CUBN: variants seen among roughly 807,000 people sequenced by gnomAD.
The protein encoded by CUBN is 460 kDa receptor.
In CUBN, 282 loss-of-function variants were observed where a neutral mutation model predicts 405.3. The ratio of observed to expected loss-of-function variants is 0.70; its 90% CI spans 0.63 to 0.77. The LOEUF (loss-of-function observed/expected upper bound fraction) is 0.77, where lower values mean the gene tolerates loss of function less well. Ranked by LOEUF, CUBN falls within the 30% of genes least tolerant of loss-of-function variation. The pLI is 0.00. For missense variants in CUBN, 4,514 were observed against 4,475.2 expected (o/e 1.01, Z -0.25); for synonymous variants, 1,684 against 1,617.0 (o/e 1.04, Z -0.99).
At chr10:16,836,532 C>G (rs553983849) in intron 62 of CUBN, 150 bp from the exon 63 acceptor site, 3 of 787,986 alleles carry the variant, frequency 3.8e-6, no homozygotes, top group Non-Finnish European at 4.3e-6. Context: ...AGAAGACTCA[C>G]GTTGGCCTTG....
chr10:16,951,250 G>A (rs570960813), intron 33 of CUBN, among the ~76,000 whole-genome samples: 65 of 152,146 alleles, frequency 4.3e-4, no homozygotes, highest in Non-Finnish European at 5.9e-5. Flanking sequence ...CCACCTCCCC[G>A]TTTGAATTGG....
In CUBN at chr10:17,045,839, A is replaced by C. The variant is rs1278681712; in HGVS notation, c.3490+95T>G. ...ATTGAAGTTTAAATACAGCTGGGCA[A>C]ACATGGACAAGTGAGGGACAGAGCA... On this transcript the variant is annotated intron_variant, in intron 24 of 66. Coordinates refer to ENST00000377833, the MANE Select transcript of CUBN (RefSeq NM_001081.4). The C allele has an allele frequency of 5.4e-6, 7 of 1,285,052 alleles. No individual in the cohort carries two copies. In the Admixed American group the frequency reaches 1.2e-4, roughly 22 times the overall value. The allele number at this position is 1,285,052 out of a possible 1,614,324, so 79.6% of individuals were successfully genotyped here.
intron 59 of CUBN, among the ~76,000 whole-genome samples, chr10:16,854,569 A>G (rs1469736516): frequency 6.6e-6 from 1 of 152,188 alleles, no homozygotes; most frequent in Non-Finnish European, 1.5e-5. Context: ...TGCAGGTAGG[A>G]GCACTGAAGA....
rs568368710 is a variant in CUBN at position 16,925,097 on chromosome 10, T to C, written c.6646+144A>G. The C allele has an allele frequency of 1.2e-4, 77 of 655,236 alleles. 2 individuals carry two copies. In the South Asian group the frequency reaches 1.3e-3, roughly 11 times the overall value. The allele number at this position is 655,236 out of a possible 1,614,324, so 40.6% of individuals were successfully genotyped here. On this transcript the variant is annotated intron_variant, in intron 43 of 66. Transcript: ENST00000377833. ...CTTGAAAAGTAGTCACGATGAGATA[T>C]TGAATGTATCAAATATAATAAGTAC...
Position 17,102,048 on chromosome 10 carries a change from AC to A in CUBN, c.1530+1076del, listed in dbSNP as rs561610402. On this transcript the variant is annotated intron_variant, in intron 13 of 66. Coordinates refer to ENST00000377833, the MANE Select transcript of CUBN (RefSeq NM_001081.4). ...CATCTTCTAAAATACTGTCTCAGTAACAACATGATTTTACAGATTAACTAGT... is the reference window on the plus strand; with the variant it reads ...CATCTTCTAAAATACTGTCTCAGTAAAACATGATTTTACAGATTAACTAGT... 1.8e-3 allele frequency among the ~76,000 whole-genome samples: 274 copies of A among 152,316 alleles called. 1 individual carries two copies. The highest frequency in any genetic ancestry group is 6.4e-3 in the African/African-American group (266 of 41,572).
chr10:16,958,795 T>C (rs1448231343), intron 31 of CUBN, among the ~76,000 whole-genome samples: 1 of 152,190 alleles, frequency 6.6e-6, no homozygotes, highest in Non-Finnish European at 1.5e-5. Flanking sequence ...TACTTCTCTT[T>C]AAAATGCTCA....
Position 17,122,906 on chromosome 10 carries a change from C to G in CUBN, c.490-8G>C, listed in dbSNP as rs1414913855. 7 of 1,604,024 alleles carry G rather than the reference C, an allele frequency of 4.4e-6. No individual in the cohort carries two copies. In the African/African-American group the frequency reaches 9.4e-5, roughly 21 times the overall value. The stretch of plus-strand genomic sequence containing the variant: ...AGCTGAGCAGAGAGGACCCTGTGAT[C>G]ATATAAGGAACAAAGTCAGGTGCCA... On this transcript the variant is annotated splice_region_variant and splice_polypyrimidine_tract_variant and intron_variant, in intron 5 of 66. Transcript: ENST00000377833.
intron 36 of CUBN, 83 bp from the exon 37 acceptor site, chr10:16,940,320 C>T: frequency 7.7e-7 from 1 of 1,291,844 alleles, no homozygotes; most frequent in Non-Finnish European, 1.1e-6. Flanking sequence ...GCTAGGTTAA[C>T]CCGTTCACTT....
intron 54 of CUBN, among the ~76,000 whole-genome samples, chr10:16,892,024 A>G (rs1841035637): frequency 1.3e-5 from 2 of 152,196 alleles, no homozygotes; most frequent in African/African-American, 4.8e-5. Flanking sequence ...CATTCCAAAC[A>G]CATCTCTTCT....
chr10:17,013,681 T>C (rs938408561), intron 28 of CUBN, among the ~76,000 whole-genome samples: 1 of 152,262 alleles, frequency 6.6e-6, no homozygotes, highest in Non-Finnish European at 1.5e-5. Flanking sequence ...TAGATAAGCA[T>C]ACTTGCTATC....
intron 48 of CUBN, among the ~76,000 whole-genome samples, chr10:16,909,005 C>G (rs1423816744): frequency 6.6e-6 from 1 of 151,340 alleles, no homozygotes; most frequent in African/African-American, 2.4e-5. Flanking sequence ...GCCTCAGCCT[C>G]CCGAGTAGCT....
rs576124941 is a variant in CUBN, at chr10:17,088,088, C to G, written c.1947+76G>C. ...CTACAGCTAATATTTTGGGGTCATC[C>G]ATGGGCATGGCTAGACCATAGTGCC... On this transcript the variant is annotated intron_variant, in intron 15 of 66. Coordinates refer to ENST00000377833, the MANE Select transcript of CUBN (RefSeq NM_001081.4). The G allele has an allele frequency of 5.2e-5, 61 of 1,179,674 alleles. 2 individuals are homozygous for G. In the Middle Eastern group the frequency reaches 6.1e-4, roughly 12 times the overall value. 73.1% of individuals were successfully genotyped at this position (1,179,674 alleles called of 1,614,324 possible).
At position 16,845,789 on chromosome 10, in the gene CUBN, C is replaced by T. The variant is rs188418189; in HGVS notation, c.9664-4742G>A. Among the ~76,000 whole-genome samples the T allele has an allele frequency of 5.6e-4, 86 of 152,272 alleles. 2 individuals are homozygous for T. The highest frequency in any genetic ancestry group is 4.9e-3 in the Admixed American group (75 of 15,294). ...GATCCTCTCCCCAAAGATGGACAGC[C>T]CCTCCTCAGCTCCAGTGTCTGACAC... On this transcript the variant is annotated intron_variant, in intron 60 of 66. Transcript: ENST00000377833.
chr10:17,010,118 T>C (rs1171094443), intron 28 of CUBN, among the ~76,000 whole-genome samples: 1 of 152,178 alleles, frequency 6.6e-6, no homozygotes, highest in Admixed American at 6.5e-5. Flanking sequence ...TCCCCAGGGT[T>C]CATGTGCACA....
At chr10:17,106,273 A>G (rs571245417) in intron 10 of CUBN, among the ~76,000 whole-genome samples, 11 of 151,700 alleles carry the variant, frequency 7.3e-5, no homozygotes, top group Non-Finnish European at 1.6e-4. Flanking sequence ...TGACAGAGTG[A>G]GACTCCATTT....
At chr10:16,902,243 T>A (rs1164937268) in intron 51 of CUBN, among the ~76,000 whole-genome samples, 1 of 138,218 alleles carries the variant, frequency 7.2e-6, no homozygotes, top group Non-Finnish European at 1.5e-5. Context: ...ATATACTATA[T>A]ATATTTGTAT....
intron 31 of CUBN, among the ~76,000 whole-genome samples, chr10:16,976,943 T>G (rs536853020): frequency 6.6e-6 from 1 of 152,198 alleles, no homozygotes; most frequent in African/African-American, 2.4e-5. Flanking sequence ...TCACTTTCTA[T>G]AGTATGCAGT....
At chr10:16,915,434 T>C (rs1841856413) in intron 46 of CUBN, among the ~76,000 whole-genome samples, 1 of 152,090 alleles carries the variant, frequency 6.6e-6, no homozygotes, top group Non-Finnish European at 1.5e-5. Flanking sequence ...GTTGAAAAAA[T>C]GATCTGAGAC....
intron 31 of CUBN, among the ~76,000 whole-genome samples, chr10:16,963,133 T>A (rs1446454959): frequency 1.3e-5 from 2 of 152,014 alleles, no homozygotes; most frequent in Non-Finnish European, 2.9e-5. Context: ...AGGTAAGTTT[T>A]TCTCATTTCG....
Sources: allele counts gnomAD v4.1 joint callset (sites outside exome capture counted in the v4.1 genomes callset), GRCh38; gene constraint gnomAD v4.1.1; transcripts MANE v1.5; gene names NCBI Gene and HGNC (gene_info 2026-07-23, HGNC 2026-07-21).